HGSNAT: variants seen among roughly 807,000 people sequenced by gnomAD.
HGSNAT encodes the protein transmembrane protein 76.
Under a neutral mutation model 85.2 loss-of-function variants are expected in HGSNAT, and 59 were observed. The observed-to-expected ratio is 0.69, with a 90% CI of 0.56 to 0.86. The LOEUF is 0.86. Among genes scored for constraint, HGSNAT ranks in the 40% least tolerant of loss-of-function variants. The pLI, the probability that HGSNAT is intolerant of heterozygous loss-of-function variation, is 0.00. For synonymous variants in HGSNAT, 321 were observed against 304.5 expected, an observed-to-expected ratio of 1.05 and a Z score of -0.56; for missense variants, 756 against 777.1, an observed-to-expected ratio of 0.97 and a Z score of 0.32.
chr8:43,170,138 T>G (rs1016804301), intron 6 of HGSNAT, among the ~76,000 whole-genome samples: 2 of 152,198 alleles, frequency 1.3e-5, no homozygotes. Context: ...ATTTTTTAGC[T>G]TTCTAAACTA....
intron 1 of HGSNAT, among the ~76,000 whole-genome samples, chr8:43,146,641 C>T (rs552935712): frequency 6.6e-6 from 1 of 152,230 alleles, no homozygotes; most frequent in East Asian, 1.9e-4. Flanking sequence ...ATATAAGTTC[C>T]TTACACGATC....
chr8:43,158,131 G>A (rs913231875), intron 2 of HGSNAT, among the ~76,000 whole-genome samples: 1 of 151,780 alleles, frequency 6.6e-6, no homozygotes, highest in African/African-American at 2.4e-5. Context: ...ACAGAGTCTT[G>A]CTCTCTTGCC....
At chr8:43,186,630 T>G (rs200545470) in intron 11 of HGSNAT, among the ~76,000 whole-genome samples, 1 of 152,140 alleles carries the variant, frequency 6.6e-6, no homozygotes, top group Non-Finnish European at 1.5e-5. Flanking sequence ...TTTTTTGTGT[T>G]TCTATCTCCT....
At chr8:43,174,601 C>T (rs1803745518) in intron 9 of HGSNAT, among the ~76,000 whole-genome samples, 1 of 151,850 alleles carries the variant, frequency 6.6e-6, no homozygotes, top group African/African-American at 2.4e-5. Flanking sequence ...TAGTACCAGC[C>T]TTATTATTGT....
chr8:43,150,179 T>C (rs1802857337), intron 2 of HGSNAT, among the ~76,000 whole-genome samples: 1 of 152,036 alleles, frequency 6.6e-6, no homozygotes, highest in South Asian at 2.1e-4. Context: ...GGTCCTGAAC[T>C]CCTGACCTTG....
At chr8:43,144,062 T>C (rs538648914) in intron 1 of HGSNAT, among the ~76,000 whole-genome samples, 2 of 152,210 alleles carry the variant, frequency 1.3e-5, no homozygotes, top group African/African-American at 4.8e-5. Flanking sequence ...CTCACGCCTG[T>C]AGTCCTAGCA....
intron 17 of HGSNAT, among the ~76,000 whole-genome samples, chr8:43,199,097 C>T (rs1804831492): frequency 6.6e-6 from 1 of 152,116 alleles, no homozygotes; most frequent in South Asian, 2.1e-4. Flanking sequence ...GACGGGGTTT[C>T]ATCACGTTGG....
In HGSNAT at chr8:43,199,591, G is replaced by A; in HGVS notation, c.*22G>A. 1 of 1,506,066 alleles carries A rather than the reference G, an allele frequency of 6.6e-7. No homozygotes were observed. Among genetic ancestry groups the A allele is most frequent in the Non-Finnish European group, 8.9e-7 (1 of 1,125,988 alleles). The allele number at this position is 1,506,066 out of a possible 1,614,324, so 93.3% of individuals were successfully genotyped here. On this transcript the variant is annotated 3_prime_UTR_variant, in exon 18 of 18. Coordinates refer to ENST00000379644, the MANE Select transcript of HGSNAT (RefSeq NM_152419.3). ...CTGATGGCTCCCACTGAGATGTGCT[G>A]CTGGAAGACTCTAGTAGGCCTGCAG... is the stretch of plus-strand genomic sequence containing the variant.
In HGSNAT at chr8:43,158,603, C is replaced by A. The variant is rs760878644; in HGVS notation, c.263C>A (p.Pro88His). The part of the protein sequence containing the change: ...HCLFQVLVNV[P>H]QSPKAGKPSA... ...TTGTTTCAGGTTCTGGTAAACGTTC[C>A]TCAGAGTCCAAAAGCAGGGAAGCCT... The change falls in exon 3 of 18, where the codon CCT becomes CAT. Residue 88 changes from proline to histidine, a missense_variant. Physicochemically the swap from Pro to His is moderately conservative, Grantham distance 77. Transcript: ENST00000379644. 8.7e-6 allele frequency: 14 copies of A among 1,613,892 alleles called. No homozygotes were observed. Among genetic ancestry groups the A allele is most frequent in the Non-Finnish European group, 1.0e-5 (12 of 1,179,836 alleles).
intron 2 of HGSNAT, among the ~76,000 whole-genome samples, chr8:43,150,332 A>G (rs1212499297): frequency 6.6e-6 from 1 of 152,126 alleles, no homozygotes; most frequent in Non-Finnish European, 1.5e-5. Flanking sequence ...TATTGCTAAA[A>G]AAAGAAGACT....
intron 2 of HGSNAT, among the ~76,000 whole-genome samples, chr8:43,155,084 T>C (rs889008473): frequency 6.6e-6 from 1 of 152,344 alleles, no homozygotes; most frequent in Admixed American, 6.5e-5. Context: ...TTCTTTCTTT[T>C]GGATCTATAC....
intron 8 of HGSNAT, 89 bp downstream of exon 8, chr8:43,172,475 C>A: frequency 2.1e-6 from 2 of 974,410 alleles, no homozygotes; most frequent in Non-Finnish European, 3.2e-6. Flanking sequence ...TCCCCAGAAA[C>A]TCCAGAAATG....
intron 11 of HGSNAT, among the ~76,000 whole-genome samples, chr8:43,187,339 A>G (rs1804353756): frequency 6.6e-6 from 1 of 152,188 alleles, no homozygotes; most frequent in Non-Finnish European, 1.5e-5. Context: ...TATTGGGTGC[A>G]TATATATTTA....
chr8:43,172,919 T>C (rs1036478486), intron 8 of HGSNAT, among the ~76,000 whole-genome samples: 1 of 152,246 alleles, frequency 6.6e-6, no homozygotes, highest in East Asian at 1.9e-4. Context: ...TGTCTAGTTA[T>C]GTTCATAGGA....
chr8:43,194,864 T>A (rs1414277381), intron 14 of HGSNAT, among the ~76,000 whole-genome samples: 2 of 152,260 alleles, frequency 1.3e-5, no homozygotes, highest in African/African-American at 4.8e-5. Context: ...GCCATCTATC[T>A]GAAAACAGGC....
intron 11 of HGSNAT, among the ~76,000 whole-genome samples, 183 bp from the exon 12 acceptor site, chr8:43,191,291 G>A (rs1185136237): frequency 6.6e-6 from 1 of 152,184 alleles, no homozygotes; most frequent in Non-Finnish European, 1.5e-5. Flanking sequence ...TTTTGAATGG[G>A]TGTTTTGCTG....
chr8:43,145,401 A>G (rs1371082957), intron 1 of HGSNAT, among the ~76,000 whole-genome samples: 1 of 152,152 alleles, frequency 6.6e-6, no homozygotes, highest in Non-Finnish European at 1.5e-5. Context: ...AGAGTTTTAT[A>G]CTGCAGGGCT....
rs377050184 is a variant in HGSNAT at position 43,197,860 on chromosome 8, C to A, written c.1634C>A (p.Thr545Lys). 5.6e-6 allele frequency: 9 copies of A among 1,613,938 alleles called. No homozygotes were observed. Among genetic ancestry groups the A allele is most frequent in the Non-Finnish European group, 7.6e-6 (9 of 1,179,820 alleles). The change falls in exon 17 of 18, where the codon ACG becomes AAG. Residue 545 changes from threonine to lysine, a missense_variant. Transcript: ENST00000379644. Reference protein sequence around the residue: ...KNLWSLSYVTTLSSFAFFILL... With the variant: ...KNLWSLSYVTKLSSFAFFILL... Reference sequence around the variant, plus strand: ...CCCAGGTCCCTTTCGTATGTCACTACGCTCAGTTCTTTTGCCTTCTTCATC... The same window carrying A: ...CCCAGGTCCCTTTCGTATGTCACTAAGCTCAGTTCTTTTGCCTTCTTCATC...
intron 17 of HGSNAT, among the ~76,000 whole-genome samples, chr8:43,198,675 G>T (rs1804816441): frequency 6.6e-6 from 1 of 152,150 alleles, no homozygotes; most frequent in Non-Finnish European, 1.5e-5. Context: ...AGCAAGAGGT[G>T]ATATCAAGGG....
Sources: gnomAD v4.1 joint callset for allele counts (sites outside exome capture counted in the v4.1 genomes callset) on GRCh38, gnomAD v4.1.1 for gene constraint, MANE v1.5 for transcripts, NCBI Gene and HGNC (gene_info 2026-07-23, HGNC 2026-07-21) for gene names.